The following SPATC1 variants were observed in gnomAD, a reference collection of about 807,000 sequenced individuals.
SPATC1 encodes speriolin.
In SPATC1, 35 loss-of-function variants were observed where a neutral mutation model predicts 36.5. The ratio of observed to expected loss-of-function variants is 0.96; its 90% confidence interval spans 0.73 to 1.27. The LOEUF (loss-of-function observed/expected upper bound fraction) is 1.27. Among genes scored for constraint, SPATC1 ranks in the 50% most tolerant of loss-of-function variants. SPATC1 has a pLI of 0.00. For synonymous variants in SPATC1, 361 were observed against 353.6 expected (o/e 1.02, Z -0.24); for missense variants, 779 against 796.0 (o/e 0.98, Z 0.26).
rs1167479090 is a variant in SPATC1 at position 144,040,141 on chromosome 8, C to A, written c.444C>A (p.Pro148=). The A allele has an allele frequency of 6.2e-7, 1 of 1,609,318 alleles. No homozygotes were observed. The highest frequency in any genetic ancestry group is 1.3e-5 in the African/African-American group (1 of 74,824). ...TCCTGACCAGTCCCATTGCGGGACC[C>A]CTAACAGGCACACTGGCCAGTTCCC... ...TSFLTSPIAG[P]LTGTLASSLG... Residue 148 remains proline (P), a synonymous_variant, in exon 2 of 5, where the codon CCC becomes CCA. Coordinates refer to ENST00000377470, the MANE Select transcript of SPATC1 (RefSeq NM_198572.3).
chr8:144,027,135 T>G (rs1834700180), intron 1 of SPATC1, among the ~76,000 whole-genome samples: 1 of 151,776 alleles, frequency 6.6e-6, no homozygotes, highest in East Asian at 1.9e-4. Context: ...CCCAGCTTAT[T>G]TCTTAATTTC....
In SPATC1 at chr8:144,045,333, C is replaced by T. The variant is rs1282363406; in HGVS notation, c.1447-1294C>T. Among the ~76,000 whole-genome samples the T allele has an allele frequency of 2.6e-5, 4 of 152,196 alleles. No individual in the cohort carries two copies. Among genetic ancestry groups the T allele is most frequent in the African/African-American group, 4.8e-5 (2 of 41,432 alleles). On this transcript the variant is annotated intron_variant, in intron 4 of 4. Coordinates refer to ENST00000377470, the MANE Select transcript of SPATC1 (RefSeq NM_198572.3). This position sits in a 1 kb window ranked among gnomAD's most constrained non-coding sequence, Gnocchi z 5.2. ...CGTCCCAGGCAACAGGGGTGCTGAG[C>T]GCAGGCTCTGGGAGCACTTAGCAGA...
chr8:144,025,143 C>G lies in SPATC1; in HGVS notation c.211+12417C>G, dbSNP rs905500909. Among the ~76,000 whole-genome samples, 105 of 152,026 alleles carry G rather than the reference C, an allele frequency of 6.9e-4. No homozygotes were observed. The Middle Eastern group carries it at 0.014, about 20-fold the overall frequency. On this transcript the variant is annotated intron_variant, in intron 1 of 4. Transcript: ENST00000377470. Reference sequence around the variant, plus strand: ...GAGGATTCTTTTCCCTGAGGACCCTCTCCTCTCAGGATCATTTCACCTCAG... The same window carrying G: ...GAGGATTCTTTTCCCTGAGGACCCTGTCCTCTCAGGATCATTTCACCTCAG...
At chr8:144,042,624 G>A (rs372498378) in intron 4 of SPATC1, among the ~76,000 whole-genome samples, 28 of 151,796 alleles carry the variant, frequency 1.8e-4, no homozygotes, top group East Asian at 9.8e-4. Context: ...GCCCGGCCCC[G>A]AAAGGGAAGC....
intron 1 of SPATC1, among the ~76,000 whole-genome samples, chr8:144,037,174 G>A (rs1202726233): frequency 7.4e-6 from 1 of 135,922 alleles, no homozygotes; most frequent in African/African-American, 2.7e-5. Flanking sequence ...CCAGCCGGCC[G>A]CCCCGTCCGG....
intron 1 of SPATC1, among the ~76,000 whole-genome samples, chr8:144,019,097 G>C (rs1834452474): frequency 6.6e-6 from 1 of 151,608 alleles, no homozygotes; most frequent in Non-Finnish European, 1.5e-5. Context: ...AGAACTTGGA[G>C]GGTCTGTCTG....
intron 1 of SPATC1, among the ~76,000 whole-genome samples, chr8:144,021,046 A>C (rs1404027783): frequency 0.052 from 5 of 96 alleles, 2 homozygotes; most frequent in Non-Finnish European, 0.024. Context: ...CAGGACTCTC[A>C]TTCCCTCAAG....
At chr8:144,035,939 C>T (rs1179031421) in intron 1 of SPATC1, among the ~76,000 whole-genome samples, 3 of 152,176 alleles carry the variant, frequency 2.0e-5, no homozygotes, top group South Asian at 2.1e-4. Flanking sequence ...GACAGACAGC[C>T]GCACTCTGAG....
At chr8:144,022,901 T>A (rs1384819373) in intron 1 of SPATC1, among the ~76,000 whole-genome samples, 1 of 141,964 alleles carries the variant, frequency 7.0e-6, no homozygotes. Flanking sequence ...CTTGTGACCA[T>A]CCCCCGCCAT....
intron 1 of SPATC1, among the ~76,000 whole-genome samples, chr8:144,025,717 CAGCTGCTGAGATCTCATCAGTGATTCT>C (rs1281037018): frequency 6.6e-6 from 1 of 152,128 alleles, no homozygotes; most frequent in Non-Finnish European, 1.5e-5. Flanking sequence ...CTCGGTAAGG[CAGCTGCTGAGATCTCATCAGTGATTCT>C]GATGGGTCGT....
At chr8:144,017,104 G>A (rs1053737012) in intron 1 of SPATC1, among the ~76,000 whole-genome samples, 23 of 152,170 alleles carry the variant, frequency 1.5e-4, no homozygotes, top group African/African-American at 5.3e-4. Context: ...ATAAGCCACA[G>A]GTAGAGAGAA....
intron 4 of SPATC1, chr8:144,041,936 T>A: frequency 2.0e-6 from 2 of 985,340 alleles, no homozygotes; most frequent in Non-Finnish European, 2.4e-6. Flanking sequence ...GGTTAAAGCA[T>A]CCTTGGGTTA....
intron 1 of SPATC1, among the ~76,000 whole-genome samples, chr8:144,026,117 A>G (rs1834672358): frequency 6.6e-6 from 1 of 151,488 alleles, no homozygotes; most frequent in Non-Finnish European, 1.5e-5. Flanking sequence ...CCCCAGCTCT[A>G]AGCAACCACT....
intron 1 of SPATC1, among the ~76,000 whole-genome samples, chr8:144,037,550 G>GGTTGAAT (rs1834935561): frequency 1.3e-5 from 2 of 152,068 alleles, no homozygotes; most frequent in South Asian, 4.1e-4. Flanking sequence ...GTCCACTCAG[G>GGTTGAAT]GTTGAATGGA....
chr8:144,023,598 A>C (rs1319763695), intron 1 of SPATC1, among the ~76,000 whole-genome samples: 1 of 68,004 alleles, frequency 1.5e-5, no homozygotes, highest in Non-Finnish European at 3.0e-5. Flanking sequence ...CTCAGGACAC[A>C]CTTCCCTGAA....
intron 1 of SPATC1, among the ~76,000 whole-genome samples, chr8:144,023,082 CT>C (rs1834577492): frequency 2.1e-5 from 3 of 145,538 alleles, no homozygotes; most frequent in Admixed American, 6.7e-5. Flanking sequence ...TAAGGACCCT[CT>C]CTCCTCAGGA....
intron 1 of SPATC1, among the ~76,000 whole-genome samples, chr8:144,039,621 G>T (rs1554755316): frequency 6.6e-6 from 1 of 152,214 alleles, no homozygotes; most frequent in Non-Finnish European, 1.5e-5. Context: ...CAAGTGGTCA[G>T]AGAAGTGAGC....
At chr8:144,014,818 C>A (rs781820979) in intron 1 of SPATC1, among the ~76,000 whole-genome samples, 1 of 152,148 alleles carries the variant, frequency 6.6e-6, no homozygotes, top group Non-Finnish European at 1.5e-5. Flanking sequence ...CGTGGGTGAA[C>A]GTGTGTGAAT....
chr8:144,042,949 C>G (rs1554756321), intron 4 of SPATC1, among the ~76,000 whole-genome samples: 1 of 151,004 alleles, frequency 6.6e-6, no homozygotes, highest in African/African-American at 2.4e-5. Context: ...CTCAGCCTCT[C>G]TGCTAACTGG....
Sources: gnomAD v4.1 joint callset for allele counts (sites outside exome capture counted in the v4.1 genomes callset) on GRCh38, gnomAD v4.1.1 for gene constraint, Gnocchi (gnomAD v3.1) non-coding constraint, MANE v1.5 for transcripts, NCBI Gene and HGNC (gene_info 2026-07-23, HGNC 2026-07-21) for gene names.